The following TMTC2 variants were observed in gnomAD, a reference collection of about 807,000 sequenced individuals.
TMTC2 encodes protein O-mannosyl-transferase TMTC2.
A neutral mutation model predicts 82.4 loss-of-function variants in TMTC2; 43 were observed. That is an observed-to-expected ratio of 0.52 (90% CI 0.41 to 0.67). TMTC2 has a LOEUF of 0.67. TMTC2 is among the 30% of genes least tolerant of loss of function. TMTC2 has a pLI of 0.00. For synonymous variants in TMTC2, 408 were observed against 381.9 expected, an observed-to-expected ratio of 1.07 and a Z score of -0.80; for missense variants, 919 against 1,012.4, an observed-to-expected ratio of 0.91 and a Z score of 1.25.
intron 3 of TMTC2, among the ~76,000 whole-genome samples, chr12:82,921,216 C>T (rs923709236): frequency 1.3e-5 from 2 of 152,084 alleles, no homozygotes; most frequent in African/African-American, 4.8e-5. Flanking sequence ...ATTCTACCTT[C>T]TATTCAAACT....
Position 82,889,821 on chromosome 12 carries a change from T to C in TMTC2, c.655-5997T>C, listed in dbSNP as rs371405239. Among the ~76,000 whole-genome samples, 5 of 152,276 alleles carry C rather than the reference T, an allele frequency of 3.3e-5. No homozygotes were observed. In the South Asian group the frequency reaches 1.0e-3, roughly 32 times the overall value. On this transcript the variant is annotated intron_variant, in intron 2 of 11. Transcript: ENST00000321196. ...TTTGTATTGTATGTAGTTTATTTCT[T>C]TTATTTGCCATATGGATTCAGACAT... is the stretch of plus-strand genomic sequence containing the variant.
At chr12:82,940,758 C>T (rs1362419698) in intron 4 of TMTC2, among the ~76,000 whole-genome samples, 1 of 151,224 alleles carries the variant, frequency 6.6e-6, no homozygotes, top group African/African-American at 2.4e-5. Flanking sequence ...CCTATACATC[C>T]TTTTTTTTCT....
intron 11 of TMTC2, among the ~76,000 whole-genome samples, chr12:83,079,510 T>C (rs1032585787): frequency 2.6e-5 from 4 of 152,202 alleles, no homozygotes; most frequent in Non-Finnish European, 5.9e-5. Flanking sequence ...AACCATTTAT[T>C]GTATTTTTGT....
intron 3 of TMTC2, among the ~76,000 whole-genome samples, chr12:82,906,421 T>C (rs1874311889): frequency 6.6e-6 from 1 of 152,138 alleles, no homozygotes; most frequent in South Asian, 2.1e-4. Context: ...TCCCAGCACT[T>C]TGGGAGGCCA....
Position 82,939,411 on chromosome 12 carries a change from G to A in TMTC2, c.1598+8866G>A, listed in dbSNP as rs184308600. On this transcript the variant is annotated intron_variant, in intron 4 of 11. Transcript: ENST00000321196. ...CTAATTTAAGCCCTCTGTATTTTGTGTCTCTCTGAAAATGACCATTTGCAG... is the reference window on the plus strand; with the variant it reads ...CTAATTTAAGCCCTCTGTATTTTGTATCTCTCTGAAAATGACCATTTGCAG... Among the ~76,000 whole-genome samples the A allele has an allele frequency of 3.9e-5, 6 of 152,112 alleles. No homozygotes were observed. In the East Asian group the frequency reaches 1.2e-3, roughly 29 times the overall value.
In TMTC2 at chr12:83,134,625, G is replaced by C. The variant is rs548184545; in HGVS notation, c.*2236G>C. On this transcript the variant is annotated 3_prime_UTR_variant, in exon 12 of 12. Coordinates refer to ENST00000321196, the MANE Select transcript of TMTC2 (RefSeq NM_152588.3). ...ACTTCGGGGGGAGGGTTGGGGCAAG[G>C]GGGGGTGGGCGTTAGAACATGATCA... The C allele has an allele frequency of 1.3e-5, 2 of 150,426 alleles. No individual in the cohort carries two copies. The highest frequency in any genetic ancestry group is 2.4e-5 in the African/African-American group (1 of 41,022). The allele number at this position is 150,426 out of a possible 1,614,324, so 9.3% of individuals were successfully genotyped here. A position where few individuals can be genotyped will look rare whatever the true frequency, so the allele number is the denominator to read the frequency against.
At chr12:83,038,033 A>G (rs1881732362) in intron 9 of TMTC2, among the ~76,000 whole-genome samples, 2 of 151,674 alleles carry the variant, frequency 1.3e-5, no homozygotes, top group African/African-American at 2.4e-5. Context: ...AAACTATCGC[A>G]AGGACAAAAA....
chr12:82,747,263 A>G lies in TMTC2; in HGVS notation c.83+59594A>G, dbSNP rs1231343514. On this transcript the variant is annotated intron_variant, in intron 1 of 11. Coordinates refer to ENST00000321196, the MANE Select transcript of TMTC2 (RefSeq NM_152588.3). ...TCAGGACCAAAAAGAAAAGGTTTAG[A>G]TAATATTAACAGGATTTTAAATTTA... is the stretch of plus-strand genomic sequence containing the variant. 2.0e-5 allele frequency among the ~76,000 whole-genome samples: 3 copies of G among 152,246 alleles called. No individual in the cohort carries two copies. The South Asian group carries it at 6.2e-4, about 31-fold the overall frequency.
Position 82,752,222 on chromosome 12 carries a change from C to T in TMTC2, c.83+64553C>T, listed in dbSNP as rs117245064. Among the ~76,000 whole-genome samples, 914 of 149,248 alleles carry T rather than the reference C, an allele frequency of 6.1e-3. 5 individuals are homozygous for T. Among genetic ancestry groups the T allele is most frequent in the Non-Finnish European group, 0.011 (727 of 67,606 alleles). On this transcript the variant is annotated intron_variant, in intron 1 of 11. Transcript: ENST00000321196. The stretch of plus-strand genomic sequence containing the variant: ...TCAGGCTGGGTGCGGTGGTGACTCA[C>T]GCCTGTAATCCCAGCACTTTGGGAG...
chr12:82,889,153 T>TGTAATCCCA (rs1441520236), intron 2 of TMTC2, among the ~76,000 whole-genome samples: 1 of 151,758 alleles, frequency 6.6e-6, no homozygotes, highest in Non-Finnish European at 1.5e-5. Flanking sequence ...GGCACACATC[T>TGTAATCCCA]GTAATCCCAG....
intron 1 of TMTC2, among the ~76,000 whole-genome samples, chr12:82,751,241 C>T (rs1032731565): frequency 2.0e-5 from 3 of 152,004 alleles, no homozygotes; most frequent in South Asian, 2.1e-4. Flanking sequence ...TTTGTAGGGA[C>T]GTGGATGAAA....
chr12:82,984,218 G>GA (rs1042820397), intron 7 of TMTC2, among the ~76,000 whole-genome samples: 13 of 151,708 alleles, frequency 8.6e-5, no homozygotes, highest in Admixed American at 2.0e-4. Flanking sequence ...AACTTTGAGG[G>GA]AAAAAAATCA....
At position 83,004,722 on chromosome 12, in the gene TMTC2, A is replaced by ATTTTTTTTTTTTTTTTTTT. The variant is rs528076999; in HGVS notation, c.2070+18703_2070+18721dup. 2.8e-4 allele frequency among the ~76,000 whole-genome samples: 10 copies of ATTTTTTTTTTTTTTTTTTT among 36,032 alleles called. 3 individuals carry two copies. Among genetic ancestry groups the ATTTTTTTTTTTTTTTTTTT allele is most frequent in the Non-Finnish European group, 4.2e-4 (8 of 18,964 alleles). 23.6% of individuals were successfully genotyped at this position (36,032 alleles called of 152,430 possible). ...TTCACAGGCAGTGTATACTGGCCGAATTTTTTTTTTTTTTTTTTTTTTTTT... is the reference window on the plus strand; with the variant it reads ...TTCACAGGCAGTGTATACTGGCCGAATTTTTTTTTTTTTTTTTTTTTTTTTTTTTTTTTTTTTTTTTTTT... On this transcript the variant is annotated intron_variant, in intron 8 of 11. Transcript: ENST00000321196.
intron 11 of TMTC2, among the ~76,000 whole-genome samples, chr12:83,089,968 C>T (rs571851019): frequency 5.3e-5 from 8 of 152,244 alleles, no homozygotes; most frequent in Middle Eastern, 3.4e-3. Flanking sequence ...AGCTTATGGG[C>T]TCCAACTTGA....
At chr12:82,859,067 ATTT>A (rs1224587372) in intron 2 of TMTC2, among the ~76,000 whole-genome samples, 14 of 130,454 alleles carry the variant, frequency 1.1e-4, no homozygotes, top group Admixed American at 2.3e-4. Flanking sequence ...AAATATTGTG[ATTT>A]TTTTTTTTTT....
rs1277043013 is a variant in TMTC2, at chr12:82,809,825, C to T, written c.84-47185C>T. On this transcript the variant is annotated intron_variant, in intron 1 of 11. Coordinates refer to ENST00000321196, the MANE Select transcript of TMTC2 (RefSeq NM_152588.3). ...AAATAATTATTTCTTACCATTTTCCCTGGACTAATGACTCTGAGAAGAAAC... is the reference window on the plus strand; with the variant it reads ...AAATAATTATTTCTTACCATTTTCCTTGGACTAATGACTCTGAGAAGAAAC... Among the ~76,000 whole-genome samples, 3 of 152,042 alleles carry T rather than the reference C, an allele frequency of 2.0e-5. 1 individual carries two copies. Among genetic ancestry groups the T allele is most frequent in the Non-Finnish European group, 4.4e-5 (3 of 67,996 alleles).
At chr12:82,788,146 A>G (rs1265043566) in intron 1 of TMTC2, among the ~76,000 whole-genome samples, 1 of 152,080 alleles carries the variant, frequency 6.6e-6, no homozygotes. Context: ...AAAAAGTCAG[A>G]TCTGCTACTA....
At chr12:82,777,665 G>A (rs546825686) in intron 1 of TMTC2, among the ~76,000 whole-genome samples, 2 of 152,162 alleles carry the variant, frequency 1.3e-5, no homozygotes, top group South Asian at 4.1e-4. Context: ...CTTTAAATTT[G>A]AGGTTGCCTT....
intron 3 of TMTC2, among the ~76,000 whole-genome samples, chr12:82,899,741 AATAT>A (rs950083072): frequency 3.3e-5 from 4 of 121,202 alleles, no homozygotes; most frequent in East Asian, 2.4e-4. Context: ...ATATATGTGG[AATAT>A]ATATATATAA....
Sources: allele counts gnomAD v4.1 joint callset (sites outside exome capture counted in the v4.1 genomes callset), GRCh38; gene constraint gnomAD v4.1.1; transcripts MANE v1.5; gene names NCBI Gene and HGNC (gene_info 2026-07-23, HGNC 2026-07-21).